Variants in PCYT1B observed in about 807,000 individuals in gnomAD.
PCYT1B encodes the protein choline-phosphate cytidylyltransferase B.
Under a neutral mutation model 26.4 loss-of-function variants are expected in PCYT1B, and 10 were observed. That is an observed-to-expected ratio of 0.38 (90% CI 0.23 to 0.64). The LOEUF (loss-of-function observed/expected upper bound fraction) is 0.64, where lower values mean the gene tolerates loss of function less well. PCYT1B is among the 30% of genes least tolerant of loss of function. The probability of loss-of-function intolerance (pLI) is 0.56; values close to 1 mark genes in which losing one functional copy is unlikely to be tolerated. For synonymous variants in PCYT1B, 131 were observed against 108.4 expected (o/e 1.21, Z -1.29); for missense variants, 161 against 292.7 (o/e 0.55, Z 3.28).
intron 2 of PCYT1B, among the ~76,000 whole-genome samples, chrX:24,614,817 C>T (rs772604043): frequency 2.7e-5 from 3 of 112,080 alleles, no homozygotes; most frequent in African/African-American, 9.7e-5. Flanking sequence ...ATTCTCCGAG[C>T]TTTTCTGCTA....
upstream of PCYT1B, chrX:24,647,425 G>C (rs1489903991): frequency 4.1e-6 from 1 of 245,270 alleles, no homozygotes; most frequent in East Asian, 2.4e-4. Flanking sequence ...GTACCACTCC[G>C]CCGGGAAGCG....
intron 2 of PCYT1B, among the ~76,000 whole-genome samples, chrX:24,612,751 A>C (rs951127254): frequency 3.6e-5 from 4 of 112,202 alleles, no homozygotes; most frequent in African/African-American, 1.3e-4. Context: ...AAAAAGTTAA[A>C]CACACACCTG....
upstream of PCYT1B, among the ~76,000 whole-genome samples, chrX:24,652,297 G>T (rs1003750794): frequency 1.8e-5 from 2 of 112,472 alleles, no homozygotes; most frequent in Non-Finnish European, 3.8e-5. Flanking sequence ...GGTGGCTCAC[G>T]CCTATAATCC....
At chrX:24,574,216 G>A (rs756857727) in intron 7 of PCYT1B, among the ~76,000 whole-genome samples, 2 of 111,383 alleles carry the variant, frequency 1.8e-5, no homozygotes, top group East Asian at 5.6e-4. Context: ...TCTTTTTGTT[G>A]TAGGAGGAAA....
intron 3 of PCYT1B, among the ~76,000 whole-genome samples, chrX:24,599,390 C>T (rs1361704797): frequency 8.9e-6 from 1 of 111,999 alleles, no homozygotes; most frequent in African/African-American, 3.2e-5. Flanking sequence ...ATTCTATCTA[C>T]ACATTTGCAT....
intron 3 of PCYT1B, among the ~76,000 whole-genome samples, chrX:24,598,972 A>G (rs1924875816): frequency 8.9e-6 from 1 of 112,143 alleles, no homozygotes; most frequent in African/African-American, 3.2e-5. Context: ...TGATAAAAGC[A>G]TTTTATCAAA....
chrX:24,564,923 G>T (rs1012696025), intron 7 of PCYT1B, among the ~76,000 whole-genome samples: 8 of 111,133 alleles, frequency 7.2e-5, no homozygotes, highest in African/African-American at 2.6e-4. Flanking sequence ...GGAGGAACGG[G>T]AATCAAGTGA....
At chrX:24,664,972 T>A (rs1927098086) in intron 1 of PCYT1B, among the ~76,000 whole-genome samples, 1 of 110,955 alleles carries the variant, frequency 9.0e-6, no homozygotes, top group African/African-American at 3.3e-5. Context: ...AAAATTAAAA[T>A]TAAAAATTAC....
intron 4 of PCYT1B, among the ~76,000 whole-genome samples, chrX:24,589,026 T>C (rs1048802272): frequency 1.8e-5 from 2 of 111,017 alleles, no homozygotes; most frequent in African/African-American, 6.5e-5. Flanking sequence ...ACAAGGCCCT[T>C]AGCACAGTGC....
chrX:24,578,849 C>T (rs1336459329), intron 6 of PCYT1B, among the ~76,000 whole-genome samples: 1 of 111,414 alleles, frequency 9.0e-6, no homozygotes, highest in Non-Finnish European at 1.9e-5. Context: ...CAAGGAAGCA[C>T]CTTTATAAAA....
At chrX:24,637,491 A>AAAAAAAATATATATATATATATATATAT in intron 1 of PCYT1B, among the ~76,000 whole-genome samples, 1 of 52,894 alleles carries the variant, frequency 1.9e-5, no homozygotes, top group African/African-American at 1.5e-4. Context: ...AAAAAAAAAA[A>AAAAAAAATATATATATATATATATATAT]ATATATATAT....
At chrX:24,635,133 A>G (rs1404818186) in intron 1 of PCYT1B, among the ~76,000 whole-genome samples, 1 of 112,386 alleles carries the variant, frequency 8.9e-6, no homozygotes, top group East Asian at 2.8e-4. Flanking sequence ...GAGTCATGTG[A>G]TACTCAATCC....
intron 7 of PCYT1B, among the ~76,000 whole-genome samples, chrX:24,562,778 A>G (rs1219644457): frequency 2.9e-5 from 3 of 103,899 alleles, no homozygotes; most frequent in Non-Finnish European, 5.9e-5. Flanking sequence ...CCCAAGCTGG[A>G]GTGCAGTGGC....
In PCYT1B at chrX:24,670,113, AAAGG is replaced by A. The variant is rs749240285; in HGVS notation, c.63+2453_63+2456del. On this transcript the variant is annotated intron_variant, in intron 1 of 7. Transcript: ENST00000379145. ...GAAAGAAAGAAAGAAAGAAAGAAAG[AAAGG>A]AAGGAAGGAAGGAAGGAAGGAAGGA... is the stretch of plus-strand genomic sequence containing the variant. Among the ~76,000 whole-genome samples the A allele has an allele frequency of 4.6e-3, 108 of 23,582 alleles. 1 individual carries two copies. Among genetic ancestry groups the A allele is most frequent in the African/African-American group, 0.011 (68 of 6,302 alleles). 20.5% of individuals were successfully genotyped at this position (23,582 alleles called of 115,157 possible).
chrX:24,631,161 A>T (rs1007929546), intron 1 of PCYT1B, among the ~76,000 whole-genome samples: 1 of 111,074 alleles, frequency 9.0e-6, no homozygotes, highest in African/African-American at 3.3e-5. Flanking sequence ...TGACCTCGTG[A>T]TCCGCCTGCC....
At chrX:24,569,785 C>T (rs1314377231) in intron 7 of PCYT1B, among the ~76,000 whole-genome samples, 2 of 111,841 alleles carry the variant, frequency 1.8e-5, no homozygotes. Flanking sequence ...TTAATGGTTA[C>T]AGTTTCTGTT....
At chrX:24,612,690 T>C (rs1181917264) in intron 2 of PCYT1B, among the ~76,000 whole-genome samples, 1 of 112,376 alleles carries the variant, frequency 8.9e-6, no homozygotes, top group Non-Finnish European at 1.9e-5. Flanking sequence ...AAACTGCAGA[T>C]AGGAATTTAA....
chrX:24,591,367 T>C (rs1924560295), intron 3 of PCYT1B, among the ~76,000 whole-genome samples: 1 of 111,187 alleles, frequency 9.0e-6, no homozygotes, highest in Non-Finnish European at 1.9e-5. Context: ...AGAACTACCC[T>C]GACTGCTCTT....
intron 6 of PCYT1B, among the ~76,000 whole-genome samples, chrX:24,576,395 C>G (rs886320772): frequency 9.0e-6 from 1 of 111,474 alleles, no homozygotes; most frequent in Non-Finnish European, 1.9e-5. Context: ...CCTCTGCCTC[C>G]CGGGTTCAAG....
Sources: gnomAD v4.1 joint callset for allele counts (sites outside exome capture counted in the v4.1 genomes callset) on GRCh38, gnomAD v4.1.1 for gene constraint, MANE v1.5 for transcripts, NCBI Gene and HGNC (gene_info 2026-07-23, HGNC 2026-07-21) for gene names.